Variants in PDE1C observed in about 807,000 individuals in gnomAD.
PDE1C encodes dual specificity calcium/calmodulin-dependent 3',5'-cyclic nucleotide phosphodiesterase 1C.
A neutral mutation model predicts 93.1 loss-of-function variants in PDE1C; 62 were observed. That is an observed-to-expected ratio of 0.67 (90% CI 0.54 to 0.82). The LOEUF is 0.82. Ranked by LOEUF, PDE1C falls within the 40% of genes least tolerant of loss-of-function variation. PDE1C has a pLI of 0.00. For synonymous variants in PDE1C, 325 were observed against 310.1 expected, an observed-to-expected ratio of 1.05 and a Z score of -0.50; for missense variants, 742 against 884.6, an observed-to-expected ratio of 0.84 and a Z score of 2.04.
chr7:32,101,560 A>G (rs1798038104), intron 3 of PDE1C, among the ~76,000 whole-genome samples: 1 of 152,100 alleles, frequency 6.6e-6, no homozygotes, highest in Non-Finnish European at 1.5e-5. Context: ...TGTATAAAAG[A>G]GCCTTATACA....
intron 7 of PDE1C, among the ~76,000 whole-genome samples, chr7:31,862,072 C>T (rs1393320214): frequency 6.6e-6 from 1 of 152,202 alleles, no homozygotes; most frequent in Non-Finnish European, 1.5e-5. Context: ...TGCACTAACT[C>T]TGTGGTCACA....
At chr7:31,851,234 T>C (rs138754780) in intron 7 of PDE1C, among the ~76,000 whole-genome samples, 2 of 152,298 alleles carry the variant, frequency 1.3e-5, no homozygotes, top group East Asian at 1.9e-4. Context: ...GCTCTATGCA[T>C]GCTGATGATG....
intron 16 of PDE1C, among the ~76,000 whole-genome samples, chr7:31,798,968 G>A (rs750172846): frequency 9.9e-5 from 15 of 151,666 alleles, no homozygotes; most frequent in Non-Finnish European, 1.5e-4. Context: ...CAAAACTATC[G>A]TCCTAAGTAG....
chr7:32,196,923 T>C (rs745793886), intron 2 of PDE1C, among the ~76,000 whole-genome samples: 1 of 152,160 alleles, frequency 6.6e-6, no homozygotes, highest in Non-Finnish European at 1.5e-5. Flanking sequence ...GCCTAATAAA[T>C]AGGATGGCAC....
At chr7:31,642,220 G>T in the PDE1C span, 2 of 1,560,184 alleles carry the variant, frequency 1.3e-6, no homozygotes, top group Admixed American at 1.9e-5. Context: ...TGACAGCAGC[G>T]GGTTCCTGGA....
chr7:32,187,555 T>C (rs543610548), intron 2 of PDE1C, among the ~76,000 whole-genome samples: 190 of 150,758 alleles, frequency 1.3e-3, no homozygotes, highest in African/African-American at 4.6e-3. Flanking sequence ...TTCTGTTTTC[T>C]AATTTTATGT....
intron 2 of PDE1C, among the ~76,000 whole-genome samples, chr7:32,032,075 G>T (rs1790400665): frequency 6.6e-6 from 1 of 152,040 alleles, no homozygotes; most frequent in South Asian, 2.1e-4. Flanking sequence ...TCCTTCTAGG[G>T]CCAAAAACTA....
intron 6 of PDE1C, among the ~76,000 whole-genome samples, chr7:31,872,071 C>T (rs1796012576): frequency 6.6e-6 from 1 of 152,022 alleles, no homozygotes. Flanking sequence ...ATGTCATTTG[C>T]AGCAACATGG....
chr7:31,658,323 T>G, the PDE1C span: 3 of 1,521,024 alleles, frequency 2.0e-6, no homozygotes, highest in Non-Finnish European at 2.6e-6. Context: ...CAAAAGCAAA[T>G]AACTCTGCTA....
chr7:32,313,085 T>G (rs1310598876), intron 1 of PDE1C, among the ~76,000 whole-genome samples: 3 of 151,884 alleles, frequency 2.0e-5, no homozygotes, highest in Non-Finnish European at 2.9e-5. Flanking sequence ...CATCAAAAAG[T>G]GGGCGAAGGA....
At chr7:31,717,857 C>G in the PDE1C span, among the ~76,000 whole-genome samples, 1 of 151,968 alleles carries the variant, frequency 6.6e-6, no homozygotes, top group African/African-American at 2.4e-5. Flanking sequence ...TGATCTCCGC[C>G]CTGGGCCAGT....
chr7:32,164,801 CCAGCT>C (rs1486747424), intron 3 of PDE1C, among the ~76,000 whole-genome samples: 1 of 152,208 alleles, frequency 6.6e-6, no homozygotes, highest in African/African-American at 2.4e-5. Flanking sequence ...CTCTCAGCAG[CCAGCT>C]CTTTCATGTT....
chr7:32,108,230 C>CAAAAAAAAAAAAAAAAAAAAAAA (rs71559210), intron 3 of PDE1C, among the ~76,000 whole-genome samples: 3 of 77,060 alleles, frequency 3.9e-5, no homozygotes, highest in African/African-American at 5.1e-5. Flanking sequence ...AAAAGCAAGA[C>CAAAAAAAAAAAAAAAAAAAAAAA]AAAAAAAAAA....
At chr7:31,793,786 C>G (rs1378477876) in intron 16 of PDE1C, among the ~76,000 whole-genome samples, 1 of 151,430 alleles carries the variant, frequency 6.6e-6, no homozygotes, top group African/African-American at 2.4e-5. Context: ...AAGTACATGA[C>G]AGCTATTTTA....
intron 17 of PDE1C, among the ~76,000 whole-genome samples, chr7:31,755,598 A>G (rs1458118031): frequency 6.6e-6 from 1 of 152,208 alleles, no homozygotes; most frequent in Non-Finnish European, 1.5e-5. Context: ...AAACAAAACA[A>G]AAAACAAATA....
intron 1 of PDE1C, among the ~76,000 whole-genome samples, chr7:32,063,279 C>T (rs544310158): frequency 5.3e-5 from 8 of 152,306 alleles, no homozygotes; most frequent in African/African-American, 1.9e-4. Flanking sequence ...ACTGCAATTA[C>T]TTTTGCATTA....
intron 1 of PDE1C, among the ~76,000 whole-genome samples, chr7:32,338,157 C>T (rs1377572861): frequency 6.6e-6 from 1 of 152,102 alleles, no homozygotes; most frequent in African/African-American, 2.4e-5. Flanking sequence ...CATCAAAGGA[C>T]ACAATCAGAA....
At chr7:32,406,900 C>G (rs977096530) in intron 1 of PDE1C, among the ~76,000 whole-genome samples, 2 of 152,188 alleles carry the variant, frequency 1.3e-5, no homozygotes, top group Non-Finnish European at 1.5e-5. Context: ...TTACATTAAA[C>G]TCAGAAACTT....
At chr7:31,704,869 A>T in the PDE1C span, among the ~76,000 whole-genome samples, 6 of 152,090 alleles carry the variant, frequency 3.9e-5, no homozygotes, top group South Asian at 1.0e-3. Flanking sequence ...GAGGGTCAGA[A>T]GGAGGTTAAA....
Sources: gnomAD v4.1 joint callset for allele counts (sites outside exome capture counted in the v4.1 genomes callset) on GRCh38, gnomAD v4.1.1 for gene constraint, MANE v1.5 for transcripts, NCBI Gene and HGNC (gene_info 2026-07-23, HGNC 2026-07-21) for gene names.